Variants in NALF1 observed in about 807,000 individuals in gnomAD.
NALF1 encodes NALCN channel auxiliary factor 1, also known as family with sequence similarity 155 member A.
In NALF1, 3 loss-of-function variants were observed where a neutral mutation model predicts 48.4. The ratio of observed to expected loss-of-function variants is 0.06; its 90% CI spans 0.03 to 0.16. The LOEUF is 0.16. NALF1 is among the 10% of genes least tolerant of loss of function. The pLI, the probability that NALF1 is intolerant of heterozygous loss-of-function variation, is 1.00. For missense variants in NALF1, 526 were observed against 571.5 expected (o/e 0.92, Z 0.81); for synonymous variants, 262 against 245.7 (o/e 1.07, Z -0.62).
chr13:107,694,793 A>C (rs1374135038), intron 1 of NALF1, among the ~76,000 whole-genome samples: 1 of 150,458 alleles, frequency 6.6e-6, no homozygotes, highest in Non-Finnish European at 1.5e-5. Context: ...TTTTGAAGTC[A>C]GTTCTTTTTT....
intron 1 of NALF1, among the ~76,000 whole-genome samples, chr13:107,849,915 T>A (rs541133837): frequency 6.6e-6 from 1 of 152,348 alleles, no homozygotes; most frequent in Admixed American, 6.5e-5. Context: ...AGCTTTATCA[T>A]GTAAATTATT....
chr13:107,463,767 T>G (rs1884956064), intron 1 of NALF1, among the ~76,000 whole-genome samples: 1 of 152,110 alleles, frequency 6.6e-6, no homozygotes, highest in Non-Finnish European at 1.5e-5. Context: ...TGTAGAATAT[T>G]TATATTAGCA....
At chr13:107,816,180 C>T (rs974548115) in intron 1 of NALF1, among the ~76,000 whole-genome samples, 2 of 152,202 alleles carry the variant, frequency 1.3e-5, no homozygotes, top group Non-Finnish European at 2.9e-5. Flanking sequence ...TCACCCAACA[C>T]AGCAGAATGA....
At chr13:107,229,757 G>T (rs1251518132) in intron 1 of NALF1, among the ~76,000 whole-genome samples, 2 of 152,168 alleles carry the variant, frequency 1.3e-5, no homozygotes, top group African/African-American at 4.8e-5. Context: ...GGTTTTGAAG[G>T]AGGTTTCTCC....
At chr13:107,297,619 A>G (rs929772735) in intron 1 of NALF1, among the ~76,000 whole-genome samples, 8 of 152,218 alleles carry the variant, frequency 5.3e-5, no homozygotes, top group African/African-American at 1.9e-4. Context: ...ATTTTTGGAG[A>G]AAGACAATGA....
At chr13:107,255,973 G>A (rs1043509701) in intron 1 of NALF1, among the ~76,000 whole-genome samples, 1 of 152,012 alleles carries the variant, frequency 6.6e-6, no homozygotes, top group Non-Finnish European at 1.5e-5. Flanking sequence ...ATCAACAAAA[G>A]CAATGATAAT....
At chr13:107,549,297 C>T (rs192879920) in intron 1 of NALF1, among the ~76,000 whole-genome samples, 1 of 152,238 alleles carries the variant, frequency 6.6e-6, no homozygotes, top group East Asian at 1.9e-4. Context: ...GATTTATATA[C>T]TTTTAAGTGG....
intron 1 of NALF1, among the ~76,000 whole-genome samples, chr13:107,462,814 G>A (rs892820143): frequency 6.6e-6 from 1 of 152,166 alleles, no homozygotes; most frequent in African/African-American, 2.4e-5. Flanking sequence ...ACTGGGAGAC[G>A]GTAACTGGAA....
At chr13:107,763,652 G>A (rs1045992550) in intron 1 of NALF1, among the ~76,000 whole-genome samples, 3 of 152,066 alleles carry the variant, frequency 2.0e-5, no homozygotes, top group Admixed American at 6.6e-5. Context: ...TAGTAAACCT[G>A]AAAATAGCTG....
intron 2 of NALF1, among the ~76,000 whole-genome samples, chr13:107,207,961 T>C (rs571119924): frequency 6.6e-6 from 1 of 152,300 alleles, no homozygotes; most frequent in African/African-American, 2.4e-5. Flanking sequence ...GCCTCAGCAG[T>C]GCACTCTTAA....
chr13:107,815,495 A>G (rs920107558), intron 1 of NALF1, among the ~76,000 whole-genome samples: 1 of 152,184 alleles, frequency 6.6e-6, no homozygotes, highest in Non-Finnish European at 1.5e-5. Context: ...CCTATAACCA[A>G]AAAGACAGAT....
At chr13:107,827,876 AG>A (rs1260957941) in intron 1 of NALF1, among the ~76,000 whole-genome samples, 2 of 152,214 alleles carry the variant, frequency 1.3e-5, no homozygotes, top group Admixed American at 6.5e-5. Flanking sequence ...AATTTTGGAA[AG>A]GGCGATTAAA....
At chr13:107,856,838 C>T (rs967865175) in intron 1 of NALF1, among the ~76,000 whole-genome samples, 1 of 152,102 alleles carries the variant, frequency 6.6e-6, no homozygotes, top group African/African-American at 2.4e-5. Context: ...CCGACAGCTC[C>T]CATCCCATTT....
In NALF1 at chr13:107,286,917, C is replaced by T. The variant is rs1311081128; in HGVS notation, c.916-76162G>A. Among the ~76,000 whole-genome samples, 6 of 152,196 alleles carry T rather than the reference C, an allele frequency of 3.9e-5. No homozygotes were observed. In the East Asian group the frequency reaches 9.7e-4, roughly 25 times the overall value. On this transcript the variant is annotated intron_variant, in intron 1 of 2. Transcript: ENST00000375915. ...TAGGAGGAGAGTGAATAGGGAAAAA[C>T]AAATTGATGTGTAAGGGGTATAATT...
intron 1 of NALF1, among the ~76,000 whole-genome samples, chr13:107,706,080 T>G (rs1231138556): frequency 6.6e-6 from 1 of 152,118 alleles, no homozygotes; most frequent in Non-Finnish European, 1.5e-5. Flanking sequence ...AACTTAGATA[T>G]CCGGATAAAA....
rs368017718 is a variant in NALF1, at chr13:107,724,209, G to A, written c.915+141473C>T. On this transcript the variant is annotated intron_variant, in intron 1 of 2. Transcript: ENST00000375915. ...TGCATCAGTTGCTTTTCCCTTTTAA[G>A]ATCTGCTTTTGTCAAGGTTTCAAAT... 8.6e-4 allele frequency among the ~76,000 whole-genome samples: 131 copies of A among 151,920 alleles called. No individual in the cohort carries two copies. In the Middle Eastern group the frequency reaches 0.01, roughly 12 times the overall value.
chr13:107,382,239 T>C (rs1156891077), intron 1 of NALF1, among the ~76,000 whole-genome samples: 1 of 152,220 alleles, frequency 6.6e-6, no homozygotes, highest in Non-Finnish European at 1.5e-5. Flanking sequence ...ACGTGATATA[T>C]ACATGGTACA....
chr13:107,236,855 TC>T (rs1880361343), intron 1 of NALF1, among the ~76,000 whole-genome samples: 1 of 152,196 alleles, frequency 6.6e-6, no homozygotes. Context: ...TAGACTTTTT[TC>T]CTTGTCATTA....
chr13:107,743,212 C>A (rs532865198), intron 1 of NALF1, among the ~76,000 whole-genome samples: 1 of 152,210 alleles, frequency 6.6e-6, no homozygotes, highest in Non-Finnish European at 1.5e-5. Context: ...GTTTTCAGAG[C>A]ATTAACTTGC....
Sources: allele counts gnomAD v4.1 joint callset (sites outside exome capture counted in the v4.1 genomes callset), GRCh38; gene constraint gnomAD v4.1.1; transcripts MANE v1.5; gene names NCBI Gene and HGNC (gene_info 2026-07-23, HGNC 2026-07-21).